The following AAK1 variants were observed in gnomAD, a reference collection of about 807,000 sequenced individuals.
AAK1 encodes AP2-associated protein kinase 1.
AAK1 carries 37 observed loss-of-function variants against 116.0 expected under a neutral mutation model. That is an observed-to-expected ratio of 0.32 (90% confidence interval 0.25 to 0.42). The LOEUF (loss-of-function observed/expected upper bound fraction) is 0.42, where lower values mean the gene tolerates loss of function less well. Among genes scored for constraint, AAK1 ranks in the 10% least tolerant of loss-of-function variants. The probability of loss-of-function intolerance (pLI) is 1.00; values close to 1 mark genes in which losing one functional copy is unlikely to be tolerated. For synonymous variants in AAK1, 458 were observed against 439.9 expected, an observed-to-expected ratio of 1.04 and a Z score of -0.51; for missense variants, 919 against 1,170.6, an observed-to-expected ratio of 0.79 and a Z score of 3.14.
At chr2:69,626,724 T>C (rs1674919277) in intron 2 of AAK1, among the ~76,000 whole-genome samples, 2 of 148,322 alleles carry the variant, frequency 1.3e-5, no homozygotes, top group Admixed American at 1.4e-4. Context: ...GGTCTTGAAC[T>C]CCTGGGCTCA....
At chr2:69,640,090 A>G (rs1473755145) in intron 2 of AAK1, among the ~76,000 whole-genome samples, 3 of 143,276 alleles carry the variant, frequency 2.1e-5, no homozygotes, top group African/African-American at 8.1e-5. Flanking sequence ...CCCCCCCCAC[A>G]TATATACATA....
chr2:69,516,656 C>G (rs756532714), intron 12 of AAK1: 7 of 152,174 alleles, frequency 4.6e-5, no homozygotes, highest in Non-Finnish European at 1.0e-4. Flanking sequence ...GAGTTACATT[C>G]AAAGGATTTA....
chr2:69,627,319 A>G (rs1032397559), intron 2 of AAK1, among the ~76,000 whole-genome samples: 5 of 151,694 alleles, frequency 3.3e-5, no homozygotes, highest in Non-Finnish European at 5.9e-5. Flanking sequence ...AAAGATTCTC[A>G]TGGAGCTGAA....
intron 5 of AAK1, among the ~76,000 whole-genome samples, chr2:69,536,831 G>T (rs1452956681): frequency 6.6e-6 from 1 of 152,186 alleles, no homozygotes; most frequent in Non-Finnish European, 1.5e-5. Context: ...AAATTTGAAG[G>T]ATTAGATGAA....
intron 2 of AAK1, among the ~76,000 whole-genome samples, chr2:69,633,044 T>A (rs11903906): frequency 0.12 from 17,223 of 142,248 alleles, 2,219 homozygotes; most frequent in African/African-American, 0.32. Flanking sequence ...ATAAAAAAAA[T>A]AAATAAAAAT....
chr2:69,564,549 C>T (rs1671783699), intron 2 of AAK1, among the ~76,000 whole-genome samples: 2 of 152,242 alleles, frequency 1.3e-5, no homozygotes. Flanking sequence ...ATAGCCCTCA[C>T]TTACATGCCT....
At chr2:69,480,775 A>G (rs183277221) in intron 19 of AAK1, 85 bp downstream of exon 19, 25 of 1,189,402 alleles carry the variant, frequency 2.1e-5, no homozygotes, top group Middle Eastern at 2.5e-4. Flanking sequence ...AAATAAGCCC[A>G]GGAACGACTG....
In AAK1 at chr2:69,474,110, G is replaced by C; in HGVS notation, c.*1759C>G. On this transcript the variant is annotated 3_prime_UTR_variant, in exon 22 of 22. Coordinates refer to ENST00000409085, the MANE Select transcript of AAK1 (RefSeq NM_014911.5). Reference sequence around the variant, plus strand: ...ACTTTTCCTCCAATGCCTTTCAAAGGCTACTCGCACATTCCTAGGGTCAAA... The same window carrying C: ...ACTTTTCCTCCAATGCCTTTCAAAGCCTACTCGCACATTCCTAGGGTCAAA... 1 of 985,862 alleles carries C rather than the reference G, an allele frequency of 1.0e-6. No homozygotes were observed. The highest frequency in any genetic ancestry group is 1.2e-6 in the Non-Finnish European group (1 of 829,934). 61.1% of individuals were successfully genotyped at this position (985,862 alleles called of 1,614,324 possible).
chr2:69,500,698 TACACACACACAC>T (rs563907265), intron 16 of AAK1, among the ~76,000 whole-genome samples: 2 of 65,096 alleles, frequency 3.1e-5, no homozygotes, highest in Non-Finnish European at 5.2e-5. Context: ...TATATATATA[TACACACACACAC>T]ACACACACAC....
At position 69,487,947 on chromosome 2, in the gene AAK1, G is replaced by A. The variant is rs530633419; in HGVS notation, c.2366-5135C>T. ...TGGCATTATAGGCGCCTGCCACCACGCCCAGCTAATTTTTGTTATTTTTAT... is the reference window on the plus strand; with the variant it reads ...TGGCATTATAGGCGCCTGCCACCACACCCAGCTAATTTTTGTTATTTTTAT... On this transcript the variant is annotated intron_variant, in intron 17 of 21. Transcript: ENST00000409085. Among the ~76,000 whole-genome samples, 7 of 151,900 alleles carry A rather than the reference G, an allele frequency of 4.6e-5. No homozygotes were observed. In the East Asian group the frequency reaches 7.7e-4, roughly 17 times the overall value.
chr2:69,527,188 C>T (rs374116032), intron 9 of AAK1, 28 bp downstream of exon 9: 64 of 1,498,606 alleles, frequency 4.3e-5, no homozygotes, highest in African/African-American at 1.9e-4. Context: ...ATAATGTTTA[C>T]TCCCTTTAAA....
intron 16 of AAK1, among the ~76,000 whole-genome samples, chr2:69,502,727 T>C (rs1676028869): frequency 6.6e-6 from 1 of 152,224 alleles, no homozygotes; most frequent in African/African-American, 2.4e-5. Flanking sequence ...TCATTCACTA[T>C]TAATCGAAAC....
At chr2:69,575,486 T>G (rs1672273405) in intron 2 of AAK1, among the ~76,000 whole-genome samples, 1 of 149,896 alleles carries the variant, frequency 6.7e-6, no homozygotes, top group Admixed American at 6.6e-5. Flanking sequence ...TTTTTTTTTT[T>G]GAGACAGAGT....
At chr2:69,548,513 TTCTTCCTTCCTTCTTTCTCTCTC>T (rs1671024753) in intron 3 of AAK1, among the ~76,000 whole-genome samples, 2 of 151,814 alleles carry the variant, frequency 1.3e-5, no homozygotes, top group South Asian at 2.1e-4. Flanking sequence ...CTTTCTCTCT[TTCTTCCTTCCTTCTTTCTCTCTC>T]TCTTCCTTCC....
intron 17 of AAK1, among the ~76,000 whole-genome samples, chr2:69,483,534 A>G (rs988049694): frequency 6.6e-6 from 1 of 151,972 alleles, no homozygotes. Context: ...TGCCATAAAC[A>G]TTTGCATATA....
Position 69,472,741 on chromosome 2 carries a change from A to T in AAK1, c.*3128T>A, listed in dbSNP as rs1475934053. 1.0e-6 allele frequency: 1 copy of T among 985,354 alleles called. No individual in the cohort carries two copies. Among genetic ancestry groups the T allele is most frequent in the Non-Finnish European group, 1.2e-6 (1 of 829,938 alleles). 61.0% of individuals were successfully genotyped at this position (985,354 alleles called of 1,614,324 possible). A position where few individuals can be genotyped will look rare whatever the true frequency, so the allele number is the denominator to read the frequency against. On this transcript the variant is annotated 3_prime_UTR_variant, in exon 22 of 22. Coordinates refer to ENST00000409085, the MANE Select transcript of AAK1 (RefSeq NM_014911.5). The stretch of plus-strand genomic sequence containing the variant: ...AAAAGCAAATCAGAAACATATGCTT[A>T]TAGTATTTGCCCGTTTTAAACTGGT...
chr2:69,480,862 G>A lies in AAK1; in HGVS notation c.2567C>T (p.Thr856Ile). 3 of 1,591,422 alleles carry A rather than the reference G, an allele frequency of 1.9e-6. No individual in the cohort carries two copies. The highest frequency in any genetic ancestry group is 1.2e-5 in the South Asian group (1 of 86,696). The change falls in exon 19 of 22, where the codon ACA becomes ATA. Residue 856 changes from threonine to isoleucine, a missense_variant and splice_region_variant. Around this residue, in one of 4 missense-constraint regions of AAK1, gnomAD observed 263 missense variants for 285.5 expected, o/e 0.92. Transcript: ENST00000409085. ...SQTESVTSNR[T>I]DSLTGEDSLL... ...AGCTGCAGAGACACCTGACTGACCTGTGCGATTCGAGGTCACAGATTCCGT... is the reference window on the plus strand; with the variant it reads ...AGCTGCAGAGACACCTGACTGACCTATGCGATTCGAGGTCACAGATTCCGT...
At chr2:69,565,880 T>C (rs895713244) in intron 2 of AAK1, among the ~76,000 whole-genome samples, 1 of 151,928 alleles carries the variant, frequency 6.6e-6, no homozygotes, top group Non-Finnish European at 1.5e-5. Context: ...GCGTACACTA[T>C]GCAGGTGGCA....
chr2:69,505,878 A>C (rs1211290945), intron 15 of AAK1, among the ~76,000 whole-genome samples: 3 of 152,218 alleles, frequency 2.0e-5, no homozygotes, highest in Non-Finnish European at 4.4e-5. Context: ...TTAAGAATCA[A>C]AAGAGAGCAT....
Sources: gnomAD v4.1 joint callset for allele counts (sites outside exome capture counted in the v4.1 genomes callset) on GRCh38, gnomAD v4.1.1 for gene constraint, gnomAD v4.1.1 regional missense constraint, MANE v1.5 for transcripts, NCBI Gene and HGNC (gene_info 2026-07-23, HGNC 2026-07-21) for gene names.